The following LINS1 variants were observed in gnomAD, a reference collection of about 807,000 sequenced individuals.
The protein encoded by LINS1 is lines homolog 1, also known as protein Lines homolog 1.
Under a neutral mutation model 41.6 loss-of-function variants are expected in LINS1, and 27 were observed. The observed-to-expected ratio is 0.65, with a 90% confidence interval of 0.48 to 0.89. The LOEUF (loss-of-function observed/expected upper bound fraction) is 0.89. LINS1 is among the 40% of genes least tolerant of loss of function. The pLI, the probability that LINS1 is intolerant of heterozygous loss-of-function variation, is 0.00. For missense variants in LINS1, 955 were observed against 884.1 expected (o/e 1.08, Z -1.02); for synonymous variants, 336 against 312.9 (o/e 1.07, Z -0.78).
intron 3 of LINS1, among the ~76,000 whole-genome samples, chr15:100,578,007 T>C (rs1383526780): frequency 2.6e-5 from 4 of 152,156 alleles, no homozygotes; most frequent in African/African-American, 4.8e-5. Flanking sequence ...TCCTTATACC[T>C]TATACAAAAA....
chr15:100,568,900 G>A lies in LINS1; in HGVS notation c.*338C>T. The A allele has an allele frequency of 4.7e-6, 1 of 213,648 alleles. No homozygotes were observed. Among genetic ancestry groups the A allele is most frequent in the East Asian group, 1.2e-4 (1 of 8,498 alleles). The allele number at this position is 213,648 out of a possible 1,614,324, so 13.2% of individuals were successfully genotyped here. Reference sequence around the variant, plus strand: ...AGCACTTCGGGAGGGCGGACAGGCGGATCACTTGAGGTCAGGAGTTTGAGA... The same window carrying A: ...AGCACTTCGGGAGGGCGGACAGGCGAATCACTTGAGGTCAGGAGTTTGAGA... On this transcript the variant is annotated 3_prime_UTR_variant, in exon 7 of 7. Coordinates refer to ENST00000314742, the MANE Select transcript of LINS1 (RefSeq NM_001040616.3).
Position 100,569,090 on chromosome 15 carries a change from T to C in LINS1, c.*148A>G, listed in dbSNP as rs1214589407. ...AGTGAGTCGAGTCACGCCACTGCAC[T>C]CCGGCCTGAGCGACAGAATGAGATT... On this transcript the variant is annotated 3_prime_UTR_variant, in exon 7 of 7. Transcript: ENST00000314742. 3.6e-6 allele frequency: 2 copies of C among 550,404 alleles called. No homozygotes were observed. The highest frequency in any genetic ancestry group is 4.4e-5 in the African/African-American group (2 of 45,510). The allele number at this position is 550,404 out of a possible 1,614,324, so 34.1% of individuals were successfully genotyped here. A position where few individuals can be genotyped will look rare whatever the true frequency, so the allele number is the denominator to read the frequency against.
chr15:100,591,460 T>C (rs1366653287), intron 1 of LINS1, among the ~76,000 whole-genome samples: 1 of 152,198 alleles, frequency 6.6e-6, no homozygotes, highest in African/African-American at 2.4e-5. Flanking sequence ...AAGGGAGAAT[T>C]TTTTAAAATA....
intron 1 of LINS1, among the ~76,000 whole-genome samples, chr15:100,598,996 T>C (rs576040165): frequency 2.0e-5 from 3 of 152,220 alleles, no homozygotes; most frequent in Non-Finnish European, 4.4e-5. Context: ...CCATGAGCCT[T>C]GGACTCCCTA....
intron 1 of LINS1, among the ~76,000 whole-genome samples, chr15:100,585,312 C>T (rs906704806): frequency 1.3e-5 from 2 of 152,170 alleles, no homozygotes; most frequent in South Asian, 2.1e-4. Flanking sequence ...CTTCTTAGAA[C>T]CTTCTCTCGC....
intron 3 of LINS1, among the ~76,000 whole-genome samples, chr15:100,575,757 T>C (rs145168999): frequency 0.016 from 2,375 of 152,274 alleles, 37 homozygotes; most frequent in Non-Finnish European, 0.022. Context: ...ATTCCAAAAT[T>C]GACCACATAG....
chr15:100,581,313 C>T (rs2038530493), intron 1 of LINS1, among the ~76,000 whole-genome samples: 1 of 152,140 alleles, frequency 6.6e-6, no homozygotes, highest in Non-Finnish European at 1.5e-5. Flanking sequence ...CATTCCTGAC[C>T]TCTACCTTCT....
intron 6 of LINS1, chr15:100,570,633 T>C (rs781357780): frequency 6.5e-6 from 1 of 152,876 alleles, no homozygotes; most frequent in Non-Finnish European, 1.5e-5. Flanking sequence ...GAACTGCCGG[T>C]GGCCATGCCT....
In LINS1 at chr15:100,591,347, G is replaced by A. The variant is rs116626973; in HGVS notation, c.-103-10402C>T. On this transcript the variant is annotated intron_variant, in intron 1 of 6. Coordinates refer to ENST00000314742, the MANE Select transcript of LINS1 (RefSeq NM_001040616.3). ...TGAACATGAGGACACCATAACCTAT[G>A]AATCATGCACTGACACCAGAAACCC... Among the ~76,000 whole-genome samples the A allele has an allele frequency of 5.2e-3, 787 of 152,332 alleles. 5 individuals carry two copies. Among genetic ancestry groups the A allele is most frequent in the African/African-American group, 0.018 (762 of 41,576 alleles).
At chr15:100,581,083 A>G (rs1178467352) in intron 1 of LINS1, 138 bp from the exon 2 acceptor site, 1 of 459,024 alleles carries the variant, frequency 2.2e-6, no homozygotes, top group Non-Finnish European at 3.9e-6. Context: ...GGAAAATTGT[A>G]ACAGGAACAT....
Position 100,600,551 on chromosome 15 carries a change from C to CAAAAA in LINS1, c.-104+1565_-104+1569dup, listed in dbSNP as rs56911211. Among the ~76,000 whole-genome samples, 110 of 79,662 alleles carry CAAAAA rather than the reference C, an allele frequency of 1.4e-3. 13 individuals are homozygous for CAAAAA. Among genetic ancestry groups the CAAAAA allele is most frequent in the Non-Finnish European group, 1.8e-3 (82 of 45,288 alleles). 52.3% of individuals were successfully genotyped at this position (79,662 alleles called of 152,430 possible). A position where few individuals can be genotyped will look rare whatever the true frequency, so the allele number is the denominator to read the frequency against. On this transcript the variant is annotated intron_variant, in intron 1 of 6. Coordinates refer to ENST00000314742, the MANE Select transcript of LINS1 (RefSeq NM_001040616.3). ...TTTACATTGGAGTCCTGCTGTTAAG[C>CAAAAA]AAAAAAAAAAAAAAAAAAAACAGGG... is the stretch of plus-strand genomic sequence containing the variant.
chr15:100,569,630 C>G lies in LINS1; in HGVS notation c.1882G>C (p.Asp628His), dbSNP rs755711592. Residue 628 changes from aspartate (D) to histidine (H), a missense_variant, in exon 7 of 7, where the codon GAT becomes CAT. By Grantham distance (81) the Asp-to-His change is moderately conservative. Coordinates refer to ENST00000314742, the MANE Select transcript of LINS1 (RefSeq NM_001040616.3). ...SSPRASQSLV[D>H]YDSSDDSDVE... ...TCAGAATCGTCAGAGCTGTCGTAAT[C>G]TACCAGACTTTGAGAGGCCCGGGGG... 6.2e-7 allele frequency: 1 copy of G among 1,613,164 alleles called. No individual in the cohort carries two copies. Among genetic ancestry groups the G allele is most frequent in the Non-Finnish European group, 8.5e-7 (1 of 1,179,270 alleles).
Position 100,573,812 on chromosome 15 carries a change from G to T in LINS1, c.1061C>A (p.Ser354Tyr). 1 of 1,614,210 alleles carries T rather than the reference G, an allele frequency of 6.2e-7. No homozygotes were observed. Among genetic ancestry groups the T allele is most frequent in the Non-Finnish European group, 8.5e-7 (1 of 1,180,032 alleles). ...AAAAAAGGAATGTTTTTCATAAACA[G>T]ACAGTGTCTTCAACAACCCCGAATT... ...AVNSGLLKTL[S>Y]VYEKHSFFGG... Residue 354 changes from serine to tyrosine, a missense_variant, in exon 5 of 7, where the codon TCT (serine) becomes TAT (tyrosine). Transcript: ENST00000314742.
chr15:100,569,608 G>C lies in LINS1; in HGVS notation c.1904C>G (p.Ser635Cys). The C allele has an allele frequency of 6.2e-7, 1 of 1,613,566 alleles. No individual in the cohort carries two copies. The highest frequency in any genetic ancestry group is 8.5e-7 in the Non-Finnish European group (1 of 1,179,552). ...ACACTGCTCTGTGGATTCCACGTCA[G>C]AATCGTCAGAGCTGTCGTAATCTAC... Reference protein sequence around the residue: ...SLVDYDSSDDSDVESTEQCLA... With the variant: ...SLVDYDSSDDCDVESTEQCLA... Residue 635 changes from serine (S) to cysteine (C), a missense_variant, in exon 7 of 7, where the codon TCT becomes TGT. Physicochemically the swap from Ser to Cys is moderately radical, Grantham distance 112. Coordinates refer to ENST00000314742, the MANE Select transcript of LINS1 (RefSeq NM_001040616.3).
At chr15:100,595,450 T>C (rs1459787983) in intron 1 of LINS1, among the ~76,000 whole-genome samples, 2 of 152,092 alleles carry the variant, frequency 1.3e-5, no homozygotes, top group Admixed American at 1.3e-4. Context: ...TATTAGCCAT[T>C]ACAGAAATAT....
At chr15:100,583,272 C>A (rs1408540537) in intron 1 of LINS1, among the ~76,000 whole-genome samples, 1 of 152,110 alleles carries the variant, frequency 6.6e-6, no homozygotes, top group Non-Finnish European at 1.5e-5. Context: ...ACTGGGTCTT[C>A]CGTCTACAAT....
chr15:100,574,533 C>A (rs949507471), intron 4 of LINS1, among the ~76,000 whole-genome samples: 3 of 152,090 alleles, frequency 2.0e-5, no homozygotes, highest in Non-Finnish European at 2.9e-5. Context: ...CATGGTAAAA[C>A]CCTGTGTCTA....
At position 100,573,430 on chromosome 15, in the gene LINS1, C is replaced by T. The variant is rs984492479; in HGVS notation, c.1222+221G>A. ...CAACTTTTTTAAACCTAAATCATTC[C>T]TTATGCTTTACAAATTCATTGTAGG... On this transcript the variant is annotated intron_variant, in intron 5 of 6. Transcript: ENST00000314742. 5 of 1,041,296 alleles carry T rather than the reference C, an allele frequency of 4.8e-6. No individual in the cohort carries two copies. In the Admixed American group the frequency reaches 1.1e-4, roughly 22 times the overall value. The allele number at this position is 1,041,296 out of a possible 1,614,324, so 64.5% of individuals were successfully genotyped here.
rs991519066 is a variant in LINS1 at position 100,580,961 on chromosome 15, T to C, written c.-103-16A>G. The C allele has an allele frequency of 1.1e-6, 1 of 944,732 alleles. No individual in the cohort carries two copies. Among genetic ancestry groups the C allele is most frequent in the African/African-American group, 1.7e-5 (1 of 60,018 alleles). The allele number at this position is 944,732 out of a possible 1,614,324, so 58.5% of individuals were successfully genotyped here. On this transcript the variant is annotated splice_polypyrimidine_tract_variant and intron_variant, in intron 1 of 6. Transcript: ENST00000314742. ...TCAGTGAAACCTAAAATAGGAAAAATAATTTAAAAATTCTAACTGCTATAT... is the reference window on the plus strand; with the variant it reads ...TCAGTGAAACCTAAAATAGGAAAAACAATTTAAAAATTCTAACTGCTATAT...
Sources: gnomAD v4.1 joint callset for allele counts (sites outside exome capture counted in the v4.1 genomes callset) on GRCh38, gnomAD v4.1.1 for gene constraint, MANE v1.5 for transcripts, NCBI Gene and HGNC (gene_info 2026-07-23, HGNC 2026-07-21) for gene names.